The following ARHGEF10L variants were observed in gnomAD, a reference collection of about 807,000 sequenced individuals.
ARHGEF10L encodes Rho guanine nucleotide exchange factor 10 like.
Under a neutral mutation model 141.2 loss-of-function variants are expected in ARHGEF10L, and 69 were observed. The observed-to-expected ratio is 0.49, with a 90% CI of 0.40 to 0.60. ARHGEF10L has a LOEUF of 0.60. ARHGEF10L is among the 20% of genes least tolerant of loss of function. The pLI is 0.00. For synonymous variants in ARHGEF10L, 711 were observed against 718.5 expected (o/e 0.99, Z 0.17); for missense variants, 1,482 against 1,734.3 (o/e 0.85, Z 2.58).
At position 17,634,266 on chromosome 1, in the gene ARHGEF10L, G is replaced by A. The variant is rs2060867830; in HGVS notation, c.1731-282G>A. On this transcript the variant is annotated intron_variant, in intron 16 of 28. Coordinates refer to ENST00000361221, the MANE Select transcript of ARHGEF10L (RefSeq NM_018125.4). ...CTAGTGGCCCGGTTTTGGGGAATCA[G>A]TTTGGGTGATTTGGGCTGAGTCACT... 5.3e-6 allele frequency: 3 copies of A among 568,824 alleles called. No homozygotes were observed. The African/African-American group carries it at 5.7e-5, about 11-fold the overall frequency. The allele number at this position is 568,824 out of a possible 1,614,324, so 35.2% of individuals were successfully genotyped here. A position where few individuals can be genotyped will look rare whatever the true frequency, so the allele number is the denominator to read the frequency against.
In ARHGEF10L at chr1:17,673,296, CTG is replaced by C. The variant is rs146607795; in HGVS notation, c.3009+8707_3009+8708del. Among the ~76,000 whole-genome samples, 2,064 of 152,254 alleles carry C rather than the reference CTG, an allele frequency of 0.014. 49 individuals are homozygous for C. Among genetic ancestry groups the C allele is most frequent in the Admixed American group, 0.061 (936 of 15,306 alleles). ...CCCCGATCCTCGCCTCCCCTCCACT[CTG>C]TGTGTCTCTTCCACATCCCCCTCCC... On this transcript the variant is annotated intron_variant, in intron 26 of 28. Transcript: ENST00000361221. The surrounding 1 kb of genome is among the most constrained non-coding windows in gnomAD (Gnocchi z 4.1).
chr1:17,617,114 G>A (rs1284000049), intron 9 of ARHGEF10L, among the ~76,000 whole-genome samples: 5 of 152,240 alleles, frequency 3.3e-5, no homozygotes, highest in Non-Finnish European at 5.9e-5. Context: ...AAGTGAGGGC[G>A]GGCATGATAG....
rs76843002 is a variant in ARHGEF10L, at chr1:17,540,862, G to A, written c.-44+912G>A. Among the ~76,000 whole-genome samples the A allele has an allele frequency of 7.1e-3, 1,077 of 152,296 alleles. 16 individuals carry two copies. The highest frequency in any genetic ancestry group is 0.04 in the East Asian group (208 of 5,160). On this transcript the variant is annotated intron_variant, in intron 1 of 28. Transcript: ENST00000361221. Reference sequence around the variant, plus strand: ...CCGGGAGCCCCATCTGCTCCTCCTCGGGTTCTGGGGAGAGAGGGCAGGTTG... The same window carrying A: ...CCGGGAGCCCCATCTGCTCCTCCTCAGGTTCTGGGGAGAGAGGGCAGGTTG...
At chr1:17,646,023 G>A (rs1454032109) in intron 21 of ARHGEF10L, among the ~76,000 whole-genome samples, 1 of 152,174 alleles carries the variant, frequency 6.6e-6, no homozygotes, top group Non-Finnish European at 1.5e-5. Flanking sequence ...CTGTTTCCAG[G>A]GCCCAGCAGG....
chr1:17,551,433 A>G (rs1570414186), intron 1 of ARHGEF10L, among the ~76,000 whole-genome samples: 1 of 152,104 alleles, frequency 6.6e-6, no homozygotes, highest in East Asian at 1.9e-4. Context: ...GCATCCAGGC[A>G]TGTGCCAAGG....
At position 17,673,277 on chromosome 1, in the gene ARHGEF10L, T is replaced by C. The variant is rs900839017; in HGVS notation, c.3009+8682T>C. ...TTAGCTGGTAGCAGCCAGCCCCCGA[T>C]CCTCGCCTCCCCTCCACTCTGTGTG... On this transcript the variant is annotated intron_variant, in intron 26 of 28. Coordinates refer to ENST00000361221, the MANE Select transcript of ARHGEF10L (RefSeq NM_018125.4). This position sits in a 1 kb window ranked among gnomAD's most constrained non-coding sequence, Gnocchi z 4.1. Among the ~76,000 whole-genome samples, 1 of 151,890 alleles carries C rather than the reference T, an allele frequency of 6.6e-6. No homozygotes were observed. Among genetic ancestry groups the C allele is most frequent in the African/African-American group, 2.4e-5 (1 of 41,336 alleles).
At chr1:17,684,096 C>T (rs1249924398) in intron 26 of ARHGEF10L, among the ~76,000 whole-genome samples, 4 of 152,182 alleles carry the variant, frequency 2.6e-5, no homozygotes, top group Non-Finnish European at 4.4e-5. Context: ...ACTGACTGTC[C>T]TGCTACCCCA....
At chr1:17,566,923 C>T (rs547693679) in intron 1 of ARHGEF10L, among the ~76,000 whole-genome samples, 159 of 152,268 alleles carry the variant, frequency 1.0e-3, no homozygotes, top group African/African-American at 3.6e-3. Context: ...GTCACCCTCT[C>T]GAATGCCGTT....
Position 17,644,947 on chromosome 1 carries a change from G to A in ARHGEF10L, c.2273-3607G>A, listed in dbSNP as rs962457632. On this transcript the variant is annotated intron_variant, in intron 21 of 28. Transcript: ENST00000361221. This position sits in a 1 kb window ranked among gnomAD's most constrained non-coding sequence, Gnocchi z 4.5. ...TACATGAGGCCACAGGCTCAGAGAG[G>A]GTAAGCACTTGGCTCCGTGTCACAT... Among the ~76,000 whole-genome samples the A allele has an allele frequency of 1.3e-5, 2 of 152,146 alleles. No individual in the cohort carries two copies. Among genetic ancestry groups the A allele is most frequent in the Non-Finnish European group, 2.9e-5 (2 of 68,028 alleles).
chr1:17,656,012 A>AGGAGGC lies in ARHGEF10L; in HGVS notation c.2620_2625dup (p.Ala874_Glu875dup). ...ATGGAGTATATCCCGGAGCTGGAGGAGGAGGCGGAGAGCAGAGACGAGAGC... is the reference window on the plus strand; with the variant it reads ...ATGGAGTATATCCCGGAGCTGGAGGAGGAGGCGGAGGCGGAGAGCAGAGACGAGAGC... On this transcript the variant is annotated inframe_insertion, in exon 24 of 29. Coordinates refer to ENST00000361221, the MANE Select transcript of ARHGEF10L (RefSeq NM_018125.4). This position sits in a 1 kb window ranked among gnomAD's most constrained non-coding sequence, Gnocchi z 4.9. 2 of 1,572,904 alleles carry AGGAGGC rather than the reference A, an allele frequency of 1.3e-6. No homozygotes were observed. The highest frequency in any genetic ancestry group is 1.7e-6 in the Non-Finnish European group (2 of 1,158,292).
chr1:17,591,944 GAAGTA>G (rs1276388762), intron 4 of ARHGEF10L, among the ~76,000 whole-genome samples: 1 of 152,200 alleles, frequency 6.6e-6, no homozygotes, highest in African/African-American at 2.4e-5. Context: ...TTAGAGAACT[GAAGTA>G]ATTTACCCAA....
At chr1:17,691,081 T>C (rs2065069452) in intron 27 of ARHGEF10L, 1 of 454,156 alleles carries the variant, frequency 2.2e-6, no homozygotes, top group East Asian at 7.0e-5. Context: ...CTGGTATTAA[T>C]GCATTTTTTA....
intron 25 of ARHGEF10L, among the ~76,000 whole-genome samples, chr1:17,660,471 C>A (rs2062552322): frequency 6.6e-6 from 1 of 152,224 alleles, no homozygotes; most frequent in Admixed American, 6.5e-5. Context: ...CGCGACACAG[C>A]CTGGAGGATT....
chr1:17,609,427 C>CTGTG (rs2059427297), intron 7 of ARHGEF10L, among the ~76,000 whole-genome samples: 2 of 152,350 alleles, frequency 1.3e-5, no homozygotes, highest in South Asian at 4.1e-4. Context: ...ACAACACCTA[C>CTGTG]TGTGTGCCTA....
At chr1:17,570,878 C>G (rs2077967581) in intron 1 of ARHGEF10L, among the ~76,000 whole-genome samples, 2 of 151,992 alleles carry the variant, frequency 1.3e-5, no homozygotes, top group Non-Finnish European at 2.9e-5. Context: ...AAGGATGACT[C>G]CAAGGTTTTG....
At chr1:17,590,203 A>T (rs999060737) in intron 4 of ARHGEF10L, among the ~76,000 whole-genome samples, 1 of 152,160 alleles carries the variant, frequency 6.6e-6, no homozygotes, top group Non-Finnish European at 1.5e-5. Flanking sequence ...CCAGGAGCTC[A>T]TGCGCTGGTC....
chr1:17,627,445 A>G lies in ARHGEF10L; in HGVS notation c.1526A>G (p.Gln509Arg). Residue 509 changes from glutamine to arginine, a missense_variant, in exon 15 of 29, where the codon CAG becomes CGG. Around this residue, in one of 3 missense-constraint regions of ARHGEF10L, gnomAD observed 392 missense variants for 542.1 expected, o/e 0.72. Coordinates refer to ENST00000361221, the MANE Select transcript of ARHGEF10L (RefSeq NM_018125.4). The surrounding 1 kb of genome is among the most constrained non-coding windows in gnomAD (Gnocchi z 4.0). Reference sequence around the variant, plus strand: ...AACGAGCAGAAGCGGCTGGCTGACCAGGTGGCTGAGATCCAGCAGCTGACC... The same window carrying G: ...AACGAGCAGAAGCGGCTGGCTGACCGGGTGGCTGAGATCCAGCAGCTGACC... The part of the protein sequence containing the change: ...KLNEQKRLAD[Q>R]VAEIQQLTKS... 1 of 1,613,456 alleles carries G rather than the reference A, an allele frequency of 6.2e-7. No individual in the cohort carries two copies. Among genetic ancestry groups the G allele is most frequent in the Admixed American group, 1.7e-5 (1 of 60,024 alleles).
At chr1:17,669,869 G>A (rs1050882303) in intron 26 of ARHGEF10L, among the ~76,000 whole-genome samples, 2 of 152,224 alleles carry the variant, frequency 1.3e-5, no homozygotes, top group Non-Finnish European at 2.9e-5. Flanking sequence ...GACAGAGCTG[G>A]GACTGTCAGC....
intron 25 of ARHGEF10L, among the ~76,000 whole-genome samples, chr1:17,657,268 C>T (rs2062327885): frequency 6.6e-6 from 1 of 152,214 alleles, no homozygotes; most frequent in Non-Finnish European, 1.5e-5. Flanking sequence ...TGCTGTGCTC[C>T]AGGGCAGGGG....
Sources: allele counts gnomAD v4.1 joint callset (sites outside exome capture counted in the v4.1 genomes callset), GRCh38; gene constraint gnomAD v4.1.1; regional missense constraint gnomAD v4.1.1; non-coding constraint Gnocchi (gnomAD v3.1); transcripts MANE v1.5; gene names NCBI Gene and HGNC (gene_info 2026-07-23, HGNC 2026-07-21).